LGALS2: variants seen among roughly 807,000 people sequenced by gnomAD.
LGALS2 encodes the protein galectin-2.
In LGALS2, 7 loss-of-function variants were observed where a neutral mutation model predicts 10.1. That is an observed-to-expected ratio of 0.70 (90% CI 0.40 to 1.31). The LOEUF is 1.31. Ranked by LOEUF, LGALS2 falls within the 50% of genes most tolerant of loss-of-function variation. LGALS2 has a pLI of 0.01. For synonymous variants in LGALS2, 86 were observed against 64.2 expected (o/e 1.34, Z -1.63); for missense variants, 167 against 163.6 (o/e 1.02, Z -0.11).
rs1328026763 is a variant in LGALS2 at position 37,570,380 on chromosome 22, C to T, written c.282G>A (p.Lys94=). Residue 94 remains lysine (K), a synonymous_variant, in exon 4 of 4, where the codon AAG becomes AAA. Transcript: ENST00000215886. ...FTVTFESDKF[K]VKLPDGHELT... is the part of the protein sequence containing the mutation. ...GCTCGTGCCCATCTGGCAGCTTCAC[C>T]TTGAATTTGTCACTCTCAAAGGTCA... 10 of 1,613,808 alleles carry T rather than the reference C, an allele frequency of 6.2e-6. No individual in the cohort carries two copies. The highest frequency in any genetic ancestry group is 7.6e-6 in the Non-Finnish European group (9 of 1,179,992).
chr22:37,571,095 G>A (rs1203264032), intron 2 of LGALS2, among the ~76,000 whole-genome samples: 1 of 152,172 alleles, frequency 6.6e-6, no homozygotes, highest in Non-Finnish European at 1.5e-5. Context: ...GTGTGCAACC[G>A]GGGTTGTATG....
At position 37,579,941 on chromosome 22, in the gene LGALS2, T is replaced by G; in HGVS notation, c.-36A>C. 6.2e-7 allele frequency: 1 copy of G among 1,610,990 alleles called. No individual in the cohort carries two copies. Among genetic ancestry groups the G allele is most frequent in the Non-Finnish European group, 8.5e-7 (1 of 1,178,934 alleles). On this transcript the variant is annotated 5_prime_UTR_variant, in exon 1 of 4. Coordinates refer to ENST00000215886, the MANE Select transcript of LGALS2 (RefSeq NM_006498.3). ...CCTGGCGGCAGCTCCCAGCGGCTCC[T>G]GGAGGCCTGTGCTCAGGGTCTCAAC...
intron 1 of LGALS2, among the ~76,000 whole-genome samples, chr22:37,577,000 G>A (rs1925703354): frequency 6.6e-6 from 1 of 151,922 alleles, no homozygotes. Flanking sequence ...TGGGGGGGTG[G>A]GGAGTTGGGG....
At chr22:37,574,708 A>G (rs1925615245) in intron 1 of LGALS2, among the ~76,000 whole-genome samples, 2 of 151,924 alleles carry the variant, frequency 1.3e-5, no homozygotes, top group African/African-American at 2.4e-5. Context: ...AGCTCATTGG[A>G]CTGGGGCACT....
intron 1 of LGALS2, among the ~76,000 whole-genome samples, chr22:37,573,168 G>A (rs1202423848): frequency 2.0e-5 from 3 of 152,104 alleles, no homozygotes; most frequent in Non-Finnish European, 4.4e-5. Flanking sequence ...CTACTTGGGA[G>A]GCTGAGGCAG....
intron 1 of LGALS2, among the ~76,000 whole-genome samples, chr22:37,574,520 A>C (rs760754603): frequency 2.7e-4 from 37 of 137,990 alleles, no homozygotes; most frequent in East Asian, 1.0e-3. Context: ...AAAAAAAAAA[A>C]CTCATTACCC....
At chr22:37,576,300 A>C in intron 1 of LGALS2, among the ~76,000 whole-genome samples, 1 of 151,798 alleles carries the variant, frequency 6.6e-6, no homozygotes, top group Non-Finnish European at 1.5e-5. Context: ...AAAATACAAA[A>C]AATTAGCCGG....
intron 1 of LGALS2, among the ~76,000 whole-genome samples, chr22:37,578,190 A>G (rs1469594834): frequency 6.6e-6 from 1 of 152,236 alleles, no homozygotes; most frequent in African/African-American, 2.4e-5. Context: ...AGTCTGGTGT[A>G]GAATCAACGA....
chr22:37,576,234 C>T (rs1476248146), intron 1 of LGALS2, among the ~76,000 whole-genome samples: 1 of 151,994 alleles, frequency 6.6e-6, no homozygotes, highest in Non-Finnish European at 1.5e-5. Context: ...GGGCGGATCA[C>T]GAGGTCAGGA....
Position 37,570,701 on chromosome 22 carries a change from G to C in LGALS2, c.124C>G (p.Leu42Val). ...AAGCGAGGGTTGAAATGCAGGTTCA[G>C]CTTGTCTGTCCCCTGGCCCAGATTA... is the stretch of plus-strand genomic sequence containing the variant. ...VINLGQGTDK[L>V]NLHFNPRFSE... The change falls in exon 3 of 4, where the codon CTG becomes GTG. Residue 42 changes from leucine (L) to valine (V), a missense_variant. Leu to Val is a conservative substitution (Grantham distance 32). Transcript: ENST00000215886. 6.2e-7 allele frequency: 1 copy of C among 1,614,256 alleles called. No individual in the cohort carries two copies. The highest frequency in any genetic ancestry group is 8.5e-7 in the Non-Finnish European group (1 of 1,180,050).
intron 1 of LGALS2, among the ~76,000 whole-genome samples, chr22:37,574,818 G>T (rs1925618806): frequency 6.6e-6 from 1 of 152,000 alleles, no homozygotes; most frequent in South Asian, 2.1e-4. Context: ...CCCGCTGGTT[G>T]GTCACATGTA....
chr22:37,572,848 G>A (rs1925545787), intron 1 of LGALS2, among the ~76,000 whole-genome samples: 1 of 151,374 alleles, frequency 6.6e-6, no homozygotes, highest in African/African-American at 2.4e-5. Context: ...GCGGGCGCCT[G>A]TAATCCCAGC....
chr22:37,573,848 A>C (rs1158681382), intron 1 of LGALS2, among the ~76,000 whole-genome samples: 1 of 151,668 alleles, frequency 6.6e-6, no homozygotes, highest in Non-Finnish European at 1.5e-5. Context: ...CTCCTGCCTC[A>C]GCCTCCCGAG....
At chr22:37,573,648 C>T (rs1925568348) in intron 1 of LGALS2, among the ~76,000 whole-genome samples, 1 of 152,228 alleles carries the variant, frequency 6.6e-6, no homozygotes, top group Non-Finnish European at 1.5e-5. Flanking sequence ...TTTGTGAAAT[C>T]CCATGCACAG....
At chr22:37,579,322 A>C (rs1472207360) in intron 1 of LGALS2, among the ~76,000 whole-genome samples, 1 of 151,022 alleles carries the variant, frequency 6.6e-6, no homozygotes, top group African/African-American at 2.4e-5. Context: ...CTGGGGTCCC[A>C]GCTACTCAAG....
chr22:37,570,508 C>CCAGGCTCTCTTCCAT, intron 3 of LGALS2, 68 bp downstream of exon 3: 1 of 1,608,650 alleles, frequency 6.2e-7, no homozygotes. Flanking sequence ...TGTGTCCAGG[C>CCAGGCTCTCTTCCAT]CAGGCTCTCT....
chr22:37,571,955 A>C (rs1925512065), intron 1 of LGALS2, 24 bp from the exon 2 acceptor site: 2 of 1,590,300 alleles, frequency 1.3e-6, no homozygotes, highest in Non-Finnish European at 1.7e-6. Flanking sequence ...GAAACATTCC[A>C]CTCGAGTCCC....
chr22:37,576,096 T>C (rs1029507770), intron 1 of LGALS2, among the ~76,000 whole-genome samples: 1 of 152,128 alleles, frequency 6.6e-6, no homozygotes, highest in Non-Finnish European at 1.5e-5. Flanking sequence ...TAACTCCCCA[T>C]GTCTTTGCTT....
rs779480492 is a variant in LGALS2 at position 37,572,839 on chromosome 22, C to T, written c.7-908G>A. Among the ~76,000 whole-genome samples, 203 of 150,518 alleles carry T rather than the reference C, an allele frequency of 1.3e-3. 1 individual carries two copies. The highest frequency in any genetic ancestry group is 2.6e-3 in the Non-Finnish European group (178 of 67,762). Reference sequence around the variant, plus strand: ...AAAATAAATTATCTGCGCATGGTGGCGGGCGCCTGTAATCCCAGCTACTTG... The same window carrying T: ...AAAATAAATTATCTGCGCATGGTGGTGGGCGCCTGTAATCCCAGCTACTTG... On this transcript the variant is annotated intron_variant, in intron 1 of 3. Coordinates refer to ENST00000215886, the MANE Select transcript of LGALS2 (RefSeq NM_006498.3).
Sources: gnomAD v4.1 joint callset for allele counts (sites outside exome capture counted in the v4.1 genomes callset) on GRCh38, gnomAD v4.1.1 for gene constraint, MANE v1.5 for transcripts, NCBI Gene and HGNC (gene_info 2026-07-23, HGNC 2026-07-21) for gene names.